Variants in LIG1 observed in about 807,000 individuals in gnomAD.
LIG1 encodes ligase I, DNA, ATP-dependent.
In LIG1, 70 loss-of-function variants were observed where a neutral mutation model predicts 115.7. That is an observed-to-expected ratio of 0.60 (90% CI 0.50 to 0.74). LIG1 has a LOEUF of 0.74. Ranked by LOEUF, LIG1 falls within the 30% of genes least tolerant of loss-of-function variation. The pLI is 0.00. For missense variants in LIG1, 1,115 were observed against 1,225.6 expected, an observed-to-expected ratio of 0.91 and a Z score of 1.35; for synonymous variants, 487 against 495.3, an observed-to-expected ratio of 0.98 and a Z score of 0.22.
At chr19:48,159,609 C>T (rs1001698016) in intron 4 of LIG1, among the ~76,000 whole-genome samples, 28 of 152,330 alleles carry the variant, frequency 1.8e-4, no homozygotes, top group African/African-American at 6.5e-4. Flanking sequence ...CTGATATAGT[C>T]ACAGGGGCCT....
In LIG1 at chr19:48,137,368, A is replaced by T. The variant is rs419664; in HGVS notation, c.1254+154T>A. On this transcript the variant is annotated intron_variant, in intron 13 of 27. Transcript: ENST00000263274. The surrounding 1 kb of genome is among the most constrained non-coding windows in gnomAD (Gnocchi z 4.3). ...ACTCTGAAGAGGAGACTCCCCTAGG[A>T]TTGGGTGCAGGAAGGAGGAGAGGAA... Among the ~76,000 whole-genome samples the T allele has an allele frequency of 1.1e-3, 167 of 152,138 alleles. 2 individuals are homozygous for T. Among genetic ancestry groups the T allele is most frequent in the Non-Finnish European group, 5.1e-4 (35 of 67,978 alleles).
At position 48,115,752 on chromosome 19, in the gene LIG1, C is replaced by T. The variant is rs368933786; in HGVS notation, c.2677-20G>A. The T allele has an allele frequency of 5.9e-5, 94 of 1,606,200 alleles. No homozygotes were observed. Among genetic ancestry groups the T allele is most frequent in the African/African-American group, 3.1e-4 (23 of 74,730 alleles). On this transcript the variant is annotated intron_variant, in intron 27 of 27. Transcript: ENST00000263274. ...GGCCACCTGCGGAGAGAGGGTGGGA[C>T]GGGGTGGTCAGAAGCTCCCTGGCTG... is the stretch of plus-strand genomic sequence containing the variant.
chr19:48,117,773 C>T lies in LIG1; in HGVS notation c.2448G>A (p.Val816=). The change falls in exon 26 of 28, where the codon GTG becomes GTA. Residue 816 remains valine (V), a synonymous_variant. Coordinates refer to ENST00000263274, the MANE Select transcript of LIG1 (RefSeq NM_000234.3). ...GCACGTAAGGGCGTGGGCTGGGCAGCACCAGCGCCTGCAGTGAGCAGAGGA... is the reference window on the plus strand; with the variant it reads ...GCACGTAAGGGCGTGGGCTGGGCAGTACCAGCGCCTGCAGTGAGCAGAGGA... ...EEHHQSLKAL[V]LPSPRPYVRI... The T allele has an allele frequency of 6.2e-7, 1 of 1,612,582 alleles. No homozygotes were observed. Among genetic ancestry groups the T allele is most frequent in the South Asian group, 1.1e-5 (1 of 90,544 alleles).
At position 48,117,670 on chromosome 19, in the gene LIG1, G is replaced by C. The variant is rs1429959243; in HGVS notation, c.2551C>G (p.Leu851Val). 4 of 1,612,730 alleles carry C rather than the reference G, an allele frequency of 2.5e-6. No individual in the cohort carries two copies. The Admixed American group carries it at 6.7e-5, about 27-fold the overall frequency. Residue 851 changes from leucine (L) to valine (V), a missense_variant, in exon 26 of 28, where the codon CTC becomes GTC. By Grantham distance (32) the Leu-to-Val change is conservative. Transcript: ENST00000263274. ...CGCGCAGCAGGGTAGATGGGAGAGAGGGAGAGGTCAGCGCACTTCACCTCC... is the reference window on the plus strand; with the variant it reads ...CGCGCAGCAGGGTAGATGGGAGAGACGGAGAGGTCAGCGCACTTCACCTCC... ...VWEVKCADLSLSPIYPAARGL... is the reference protein window; with the variant it reads ...VWEVKCADLSVSPIYPAARGL...
intron 4 of LIG1, among the ~76,000 whole-genome samples, chr19:48,157,779 T>C (rs1000807515): frequency 6.6e-6 from 1 of 152,176 alleles, no homozygotes; most frequent in African/African-American, 2.4e-5. Flanking sequence ...ACTCCTGAGC[T>C]CAAGCGATCC....
In LIG1 at chr19:48,170,272, C is replaced by A. The variant is rs566275995; in HGVS notation, c.-89G>T. On this transcript the variant is annotated 5_prime_UTR_variant, in exon 1 of 28. Transcript: ENST00000263274. ...TTGGTCCCGCGCGCCGCTGCCCGGG[C>A]AACACACTCAGATCCGCCAGGCGCG... is the stretch of plus-strand genomic sequence containing the variant. 2.4e-5 allele frequency: 11 copies of A among 455,152 alleles called. No homozygotes were observed. In the East Asian group the frequency reaches 2.8e-4, roughly 12 times the overall value. 28.2% of individuals were successfully genotyped at this position (455,152 alleles called of 1,614,324 possible).
chr19:48,153,668 A>T (rs2035618326), intron 6 of LIG1, among the ~76,000 whole-genome samples: 1 of 145,460 alleles, frequency 6.9e-6, no homozygotes, highest in African/African-American at 2.6e-5. Flanking sequence ...ACACACACAC[A>T]CACACACACA....
chr19:48,159,386 C>T lies in LIG1; in HGVS notation c.243+1986G>A, dbSNP rs991807989. On this transcript the variant is annotated intron_variant, in intron 4 of 27. Transcript: ENST00000263274. The stretch of plus-strand genomic sequence containing the variant: ...TGCCTGGCCAGATGAATATTTTAAA[C>T]ACTGCCCAGGACTAAATGATCTCTG... Among the ~76,000 whole-genome samples, 7 of 152,204 alleles carry T rather than the reference C, an allele frequency of 4.6e-5. No individual in the cohort carries two copies. The East Asian group carries it at 9.7e-4, about 21-fold the overall frequency.
chr19:48,126,421 C>T (rs1445493145), intron 21 of LIG1, among the ~76,000 whole-genome samples: 2 of 152,072 alleles, frequency 1.3e-5, no homozygotes, highest in African/African-American at 4.8e-5. Context: ...GCCTGGCCAA[C>T]ATGGTGAAAC....
At chr19:48,141,462 C>A (rs1420378772) in intron 11 of LIG1, among the ~76,000 whole-genome samples, 2 of 152,218 alleles carry the variant, frequency 1.3e-5, no homozygotes, top group Admixed American at 1.3e-4. Flanking sequence ...AGAATCTTCA[C>A]AGCTCCCCTC....
intron 19 of LIG1, 120 bp from the exon 20 acceptor site, chr19:48,128,140 G>T: frequency 1.3e-6 from 1 of 789,048 alleles, no homozygotes; most frequent in Non-Finnish European, 2.3e-6. Context: ...TAACAAAGAG[G>T]CAGGTGCACA....
rs746273257 is a variant in LIG1, at chr19:48,127,921, G to A, written c.1921C>T (p.Arg641Cys). ...QIQPFQVLTT[R>C]KRKEVDASEI... The stretch of plus-strand genomic sequence containing the variant: ...GCGGGTGATGCTACCTTGCGTTTGC[G>A]GGTGGTGAGCACTTGGAATGGCTGG... The change falls in exon 20 of 28, where the codon CGC becomes TGC. Residue 641 changes from arginine to cysteine, a missense_variant. Coordinates refer to ENST00000263274, the MANE Select transcript of LIG1 (RefSeq NM_000234.3). 1.3e-5 allele frequency: 21 copies of A among 1,613,744 alleles called. No individual in the cohort carries two copies. Among genetic ancestry groups the A allele is most frequent in the East Asian group, 8.9e-5 (4 of 44,882 alleles).
chr19:48,158,536 G>C (rs2035987511), intron 4 of LIG1, among the ~76,000 whole-genome samples: 1 of 152,238 alleles, frequency 6.6e-6, no homozygotes, highest in Admixed American at 6.5e-5. Context: ...TTTTCTCTCA[G>C]CTCCAAACCT....
chr19:48,160,357 A>C (rs1180414444), intron 4 of LIG1, among the ~76,000 whole-genome samples: 1 of 152,004 alleles, frequency 6.6e-6, no homozygotes, highest in Non-Finnish European at 1.5e-5. Context: ...GCTGGGAAAG[A>C]AGGTAGTGGC....
Position 48,117,781 on chromosome 19 carries a change from C to A in LIG1, c.2440G>T (p.Ala814Ser). The A allele has an allele frequency of 1.2e-6, 2 of 1,611,830 alleles. No individual in the cohort carries two copies. The highest frequency in any genetic ancestry group is 2.7e-5 in the African/African-American group (2 of 75,040). Residue 814 changes from alanine (A) to serine (S), a missense_variant and splice_region_variant, in exon 26 of 28, where the codon GCG (alanine) becomes TCG (serine). Ala to Ser is a moderately conservative substitution (Grantham distance 99, BLOSUM62 1). Transcript: ENST00000263274. ...GGGCGTGGGCTGGGCAGCACCAGCGCCTGCAGTGAGCAGAGGAAGAGAGGA... is the reference window on the plus strand; with the variant it reads ...GGGCGTGGGCTGGGCAGCACCAGCGACTGCAGTGAGCAGAGGAAGAGAGGA... ...ELEEHHQSLK[A>S]LVLPSPRPYV...
chr19:48,149,270 C>G (rs2035320355), intron 9 of LIG1, among the ~76,000 whole-genome samples: 1 of 152,144 alleles, frequency 6.6e-6, no homozygotes, highest in South Asian at 2.1e-4. Flanking sequence ...GCACTGCAGG[C>G]TAGGCGACAG....
intron 20 of LIG1, 170 bp downstream of exon 20, chr19:48,127,740 G>T: frequency 1.3e-6 from 1 of 744,350 alleles, no homozygotes; most frequent in Non-Finnish European, 2.5e-6. Flanking sequence ...GGGATGCTGG[G>T]ATGAGAATGC....
Position 48,165,555 on chromosome 19 carries a change from A to G in LIG1, c.12T>C (p.Ser4=). 2.5e-6 allele frequency: 4 copies of G among 1,612,196 alleles called. No individual in the cohort carries two copies. Among genetic ancestry groups the G allele is most frequent in the Non-Finnish European group, 3.4e-6 (4 of 1,178,252 alleles). MQR[S]IMSFFHPKKE... is the part of the protein sequence containing the mutation. The stretch of plus-strand genomic sequence containing the variant: ...GGGCAAGGGAGGGTGCTCACATGAT[A>G]CTTCGCTGCATGTTGGCGTCAGAAT... Residue 4 remains serine (S), a synonymous_variant, in exon 2 of 28, where the codon AGT becomes AGC. Transcript: ENST00000263274.
intron 24 of LIG1, among the ~76,000 whole-genome samples, chr19:48,119,643 A>G (rs1225346116): frequency 6.7e-6 from 1 of 148,900 alleles, no homozygotes; most frequent in African/African-American, 2.5e-5. Flanking sequence ...GGCTCAAGCA[A>G]TCCTCCTGCC....
Sources: gnomAD v4.1 joint callset for allele counts (sites outside exome capture counted in the v4.1 genomes callset) on GRCh38, gnomAD v4.1.1 for gene constraint, Gnocchi (gnomAD v3.1) non-coding constraint, MANE v1.5 for transcripts, NCBI Gene and HGNC (gene_info 2026-07-23, HGNC 2026-07-21) for gene names.